Variants in DIP2C observed in about 807,000 individuals in gnomAD.
DIP2C encodes disco-interacting protein 2 homolog C.
In DIP2C, 33 loss-of-function variants were observed where a neutral mutation model predicts 192.4. The observed-to-expected ratio is 0.17, with a 90% confidence interval of 0.13 to 0.23. The LOEUF (loss-of-function observed/expected upper bound fraction) is 0.23, where lower values mean the gene tolerates loss of function less well. Ranked by LOEUF, DIP2C falls within the 10% of genes least tolerant of loss-of-function variation. The probability of loss-of-function intolerance (pLI) is 1.00; values close to 1 mark genes in which losing one functional copy is unlikely to be tolerated. For synonymous variants in DIP2C, 979 were observed against 864.1 expected, an observed-to-expected ratio of 1.13 and a Z score of -2.33; for missense variants, 1,537 against 2,110.1, an observed-to-expected ratio of 0.73 and a Z score of 5.32.
intron 1 of DIP2C, among the ~76,000 whole-genome samples, chr10:644,117 A>G (rs995060806): frequency 1.3e-5 from 2 of 152,224 alleles, no homozygotes; most frequent in South Asian, 4.1e-4. Context: ...ATTCCTTACT[A>G]AAAAAGAGAA....
chr10:556,125 C>T (rs1848849792), intron 1 of DIP2C, among the ~76,000 whole-genome samples: 1 of 131,342 alleles, frequency 7.6e-6, no homozygotes, highest in Non-Finnish European at 1.6e-5. Context: ...CAGCAACCAC[C>T]CACCCCCTTC....
At chr10:653,940 G>T (rs1171214715) in intron 1 of DIP2C, among the ~76,000 whole-genome samples, 2 of 152,282 alleles carry the variant, frequency 1.3e-5, no homozygotes, top group East Asian at 3.9e-4. Flanking sequence ...TGGATTAATG[G>T]ATGCACTAAA....
rs558916224 is a variant in DIP2C, at chr10:606,514, G to A, written c.85+82980C>T. ...CTCATTGGTTGGGAGGGGATCTCAC[G>A]GCCCCGCTGCCGTAATTACCTGCTG... On this transcript the variant is annotated intron_variant, in intron 1 of 36. Coordinates refer to ENST00000280886, the MANE Select transcript of DIP2C (RefSeq NM_014974.3). 2.6e-3 allele frequency among the ~76,000 whole-genome samples: 383 copies of A among 145,682 alleles called. 1 individual carries two copies. Among genetic ancestry groups the A allele is most frequent in the Non-Finnish European group, 5.0e-3 (328 of 66,144 alleles).
intron 29 of DIP2C, among the ~76,000 whole-genome samples, chr10:331,269 A>G (rs1303338294): frequency 6.6e-6 from 1 of 152,212 alleles, no homozygotes; most frequent in African/African-American, 2.4e-5. Context: ...AAAGAAATGT[A>G]AGGAAGTTAG....
At chr10:399,314 T>C in intron 9 of DIP2C, 95 bp from the exon 10 acceptor site, 1 of 878,508 alleles carries the variant, frequency 1.1e-6, no homozygotes, top group Middle Eastern at 2.2e-4. Flanking sequence ...AGGGCACGCT[T>C]CAGTGAGAAC....
intron 29 of DIP2C, among the ~76,000 whole-genome samples, chr10:335,145 C>A (rs1432355173): frequency 6.6e-6 from 1 of 152,202 alleles, no homozygotes; most frequent in Admixed American, 6.5e-5. Flanking sequence ...CCATTATACT[C>A]ATATGTCTCA....
At chr10:387,313 A>G (rs1158335476) in intron 14 of DIP2C, among the ~76,000 whole-genome samples, 3 of 152,216 alleles carry the variant, frequency 2.0e-5, no homozygotes, top group Non-Finnish European at 4.4e-5. Context: ...GTTGTGAACC[A>G]CGTTAGTGGA....
At chr10:599,854 T>G (rs112641971) in intron 1 of DIP2C, among the ~76,000 whole-genome samples, 51 of 152,322 alleles carry the variant, frequency 3.3e-4, no homozygotes, top group African/African-American at 1.2e-3. Context: ...GAGGATGCAC[T>G]GTGGGGGACA....
intron 31 of DIP2C, among the ~76,000 whole-genome samples, chr10:312,218 C>T (rs1956596295): frequency 6.6e-6 from 1 of 152,154 alleles, no homozygotes; most frequent in Non-Finnish European, 1.5e-5. Flanking sequence ...TTTTCTTCTC[C>T]TCCTCGTCAT....
rs143897267 is a variant in DIP2C, at chr10:621,699, G to A, written c.85+67795C>T. Among the ~76,000 whole-genome samples the A allele has an allele frequency of 4.2e-3, 644 of 152,262 alleles. 2 individuals are homozygous for A. Among genetic ancestry groups the A allele is most frequent in the Middle Eastern group, 0.01 (3 of 294 alleles). Reference sequence around the variant, plus strand: ...CCGCCTCCATCCTCCATCCTCCCACGTGGATCAGGAGGACGCCCACTGCAC... The same window carrying A: ...CCGCCTCCATCCTCCATCCTCCCACATGGATCAGGAGGACGCCCACTGCAC... On this transcript the variant is annotated intron_variant, in intron 1 of 36. Coordinates refer to ENST00000280886, the MANE Select transcript of DIP2C (RefSeq NM_014974.3).
chr10:618,412 G>A (rs573899195), intron 1 of DIP2C, among the ~76,000 whole-genome samples: 6 of 152,294 alleles, frequency 3.9e-5, no homozygotes, highest in South Asian at 2.1e-4. Context: ...CCGGACGCCC[G>A]CAGGCCCCTG....
In DIP2C at chr10:437,865, ATGAAAC is replaced by A. The variant is rs1378822357; in HGVS notation, c.394+3000_394+3005del. The A allele has an allele frequency of 3.3e-5, 5 of 152,356 alleles. No individual in the cohort carries two copies. The East Asian group carries it at 9.6e-4, about 29-fold the overall frequency. 9.4% of individuals were successfully genotyped at this position (152,356 alleles called of 1,614,324 possible). A position where few individuals can be genotyped will look rare whatever the true frequency, so the allele number is the denominator to read the frequency against. On this transcript the variant is annotated intron_variant, in intron 4 of 36. Transcript: ENST00000280886. ...CTTTAAGAATATTCTCTGAAGAGCA[ATGAAAC>A]TGAGATAAGATCTAACCACTGTTAC... is the stretch of plus-strand genomic sequence containing the variant.
rs760122363 is a variant in DIP2C, at chr10:413,792, G to T, written c.1057+121C>A. The T allele has an allele frequency of 2.3e-6, 3 of 1,287,130 alleles. No individual in the cohort carries two copies. In the South Asian group the frequency reaches 4.5e-5, roughly 19 times the overall value. 79.7% of individuals were successfully genotyped at this position (1,287,130 alleles called of 1,614,324 possible). A position where few individuals can be genotyped will look rare whatever the true frequency, so the allele number is the denominator to read the frequency against. ...TGGCTGCGCGAGGGCGTGGGCAAAG[G>T]GCAGAGGGTTAGCCTCGGGATTACC... On this transcript the variant is annotated intron_variant, in intron 8 of 36. Transcript: ENST00000280886.
intron 1 of DIP2C, among the ~76,000 whole-genome samples, chr10:503,505 A>T (rs568374616): frequency 6.6e-6 from 1 of 152,360 alleles, no homozygotes; most frequent in South Asian, 2.1e-4. Context: ...AGGGCTACAA[A>T]GATGTATCTT....
intron 1 of DIP2C, among the ~76,000 whole-genome samples, chr10:583,081 G>C (rs1465324522): frequency 6.6e-6 from 1 of 152,160 alleles, no homozygotes; most frequent in Non-Finnish European, 1.5e-5. Flanking sequence ...TTCTAGGTTT[G>C]CAAGAATCAG....
chr10:395,669 T>C (rs1243387762), intron 10 of DIP2C, among the ~76,000 whole-genome samples: 4 of 152,154 alleles, frequency 2.6e-5, no homozygotes, highest in Admixed American at 1.3e-4. Context: ...CTCAGGGTTA[T>C]ATTGGCACAG....
At chr10:359,828 C>T (rs895330345) in intron 22 of DIP2C, among the ~76,000 whole-genome samples, 12 of 152,098 alleles carry the variant, frequency 7.9e-5, no homozygotes, top group Admixed American at 3.3e-4. Context: ...ACTATGTTGC[C>T]CAGGCTGGTC....
chr10:579,873 T>C (rs1850482346), intron 1 of DIP2C, among the ~76,000 whole-genome samples: 1 of 151,468 alleles, frequency 6.6e-6, no homozygotes, highest in Non-Finnish European at 1.5e-5. Context: ...ATGTACACTA[T>C]AACACATGTA....
Position 390,003 on chromosome 10 carries a change from C to G in DIP2C, c.1585G>C (p.Gly529Arg). 6.2e-7 allele frequency: 1 copy of G among 1,613,566 alleles called. No individual in the cohort carries two copies. The highest frequency in any genetic ancestry group is 8.5e-7 in the Non-Finnish European group (1 of 1,179,696). ...TCTGGCACCCCACCTTCCGTGTAGC[C>G]ACACGCCTGCGTCAGGGCCTGGCAG... ...THCQALTQACGYTEAETIVNV... is the reference protein window; with the variant it reads ...THCQALTQACRYTEAETIVNV... Residue 529 changes from glycine to arginine, a missense_variant, in exon 13 of 37, where the codon GGC becomes CGC. Gly to Arg is a moderately radical substitution (Grantham distance 125). Transcript: ENST00000280886.
Sources: allele counts gnomAD v4.1 joint callset (sites outside exome capture counted in the v4.1 genomes callset), GRCh38; gene constraint gnomAD v4.1.1; transcripts MANE v1.5; gene names NCBI Gene and HGNC (gene_info 2026-07-23, HGNC 2026-07-21).